The following PLK5 variants were observed in gnomAD, a reference collection of about 807,000 sequenced individuals.
PLK5 encodes the protein polo like kinase 5 (inactive).
PLK5 carries 28 observed loss-of-function variants against 33.7 expected under a neutral mutation model. The observed-to-expected ratio is 0.83, with a 90% CI of 0.62 to 1.14. The LOEUF is 1.14. Among genes scored for constraint, PLK5 ranks in the 50% most tolerant of loss-of-function variants. PLK5 has a pLI of 0.00. For synonymous variants in PLK5, 225 were observed against 202.2 expected, an observed-to-expected ratio of 1.11 and a Z score of -0.96; for missense variants, 492 against 461.5, an observed-to-expected ratio of 1.07 and a Z score of -0.61.
rs778980898 is a variant in PLK5 at position 1,526,523 on chromosome 19, C to G, written c.-275C>G. On this transcript the variant is annotated 5_prime_UTR_variant, in exon 4 of 14. Coordinates refer to ENST00000454744, the MANE Select transcript of PLK5 (RefSeq NM_001243079.2). ...GTGCTGAGGGCGCGGCAGATCCTGA[C>G]GGAGCCAGAAGTGCGCGACTACCTG... 1.8e-5 allele frequency: 5 copies of G among 280,322 alleles called. No homozygotes were observed. In the East Asian group the frequency reaches 5.0e-4, roughly 28 times the overall value. The allele number at this position is 280,322 out of a possible 1,614,324, so 17.4% of individuals were successfully genotyped here. A position where few individuals can be genotyped will look rare whatever the true frequency, so the allele number is the denominator to read the frequency against.
chr19:1,531,607 C>G, intron 11 of PLK5, 131 bp from the exon 12 acceptor site: 1 of 1,067,918 alleles, frequency 9.4e-7, no homozygotes, highest in South Asian at 1.9e-5. Flanking sequence ...ACCACCGAAG[C>G]CCCCAAGCCT....
chr19:1,531,930 C>T, intron 12 of PLK5, 47 bp downstream of exon 12: 1 of 1,420,546 alleles, frequency 7.0e-7, no homozygotes, highest in Non-Finnish European at 9.2e-7. Flanking sequence ...ACTCCCCCTG[C>T]CTTTTTTCAT....
chr19:1,535,946 T>C lies in PLK5; in HGVS notation c.*696T>C, dbSNP rs11084901. 86,750 of 152,102 alleles carry C rather than the reference T, an allele frequency of 0.57. 25,161 individuals are homozygous for C. The highest frequency in any genetic ancestry group is 0.78 in the East Asian group (4,042 of 5,166). 9.4% of individuals were successfully genotyped at this position (152,102 alleles called of 1,614,324 possible). ...CAAATCTAAAACATGGGACAGTTGCTTAATGGGTGGACAGGAAAGAAGCCG... is the reference window on the plus strand; with the variant it reads ...CAAATCTAAAACATGGGACAGTTGCCTAATGGGTGGACAGGAAAGAAGCCG... On this transcript the variant is annotated 3_prime_UTR_variant, in exon 14 of 14. Transcript: ENST00000454744.
intron 6 of PLK5, 31 bp from the exon 7 acceptor site, chr19:1,527,905 C>A: frequency 1.3e-6 from 2 of 1,521,860 alleles, no homozygotes; most frequent in South Asian, 1.2e-5. Flanking sequence ...GATGCCTGGA[C>A]ACCCAGGTTC....
rs970535119 is a variant in PLK5 at position 1,531,898 on chromosome 19, C to T, written c.714+15C>T. ...CCCCCCGGAGGGTAAGTTGTGGCCT[C>T]CTGTGCCCTGGGGGACCAGGCACTC... On this transcript the variant is annotated intron_variant, in intron 12 of 13. Transcript: ENST00000454744. 9.0e-6 allele frequency: 13 copies of T among 1,450,914 alleles called. No individual in the cohort carries two copies. The highest frequency in any genetic ancestry group is 1.2e-5 in the Non-Finnish European group (13 of 1,108,118). 89.9% of individuals were successfully genotyped at this position (1,450,914 alleles called of 1,614,324 possible).
intron 13 of PLK5, among the ~76,000 whole-genome samples, chr19:1,534,657 A>C (rs1180142231): frequency 6.6e-6 from 1 of 150,800 alleles, no homozygotes; most frequent in East Asian, 2.0e-4. Flanking sequence ...TACAAAAAAA[A>C]AAAAAAAAAA....
At chr19:1,533,870 G>T (rs1026010377) in intron 12 of PLK5, 61 bp from the exon 13 acceptor site, 31 of 1,332,496 alleles carry the variant, frequency 2.3e-5, no homozygotes, top group Middle Eastern at 2.5e-4. Flanking sequence ...GGTGCTGGGT[G>T]TGGGGGCGAG....
chr19:1,524,127 A>G lies in PLK5; in HGVS notation c.-663A>G, dbSNP rs1231010559. ...GCGGTGGTCTCGGCCCGGCTGCGCC[A>G]GAGTCCGCGCGATGGAGCCCCGGCC... On this transcript the variant is annotated 5_prime_UTR_variant, in exon 1 of 14. Transcript: ENST00000454744. This position sits in a 1 kb window ranked among gnomAD's most constrained non-coding sequence, Gnocchi z 4.5. 2 of 150,876 alleles carry G rather than the reference A, an allele frequency of 1.3e-5. No homozygotes were observed. Among genetic ancestry groups the G allele is most frequent in the Non-Finnish European group, 3.0e-5 (2 of 67,548 alleles). The allele number at this position is 150,876 out of a possible 1,614,324, so 9.3% of individuals were successfully genotyped here.
chr19:1,533,514 G>A (rs1208545651), intron 12 of PLK5, among the ~76,000 whole-genome samples: 3 of 152,114 alleles, frequency 2.0e-5, no homozygotes, highest in African/African-American at 7.2e-5. Context: ...AGGGGCTGCA[G>A]TGTGGATAGA....
chr19:1,534,807 ACT>A (rs1914045554), intron 13 of PLK5, among the ~76,000 whole-genome samples: 8 of 131,778 alleles, frequency 6.1e-5, no homozygotes, highest in South Asian at 2.7e-4. Flanking sequence ...ACAGAGCAGG[ACT>A]CTGTTTAAAA....
At chr19:1,526,465 G>A (rs569870687) in intron 3 of PLK5, 21 bp from the exon 4 acceptor site, 8 of 233,946 alleles carry the variant, frequency 3.4e-5, no homozygotes, top group East Asian at 1.5e-4. Context: ...CTTCTAATCC[G>A]GGGCCGCTGG....
intron 11 of PLK5, 27 bp from the exon 12 acceptor site, chr19:1,531,711 G>T: frequency 6.5e-7 from 1 of 1,535,462 alleles, no homozygotes; most frequent in Non-Finnish European, 8.7e-7. Flanking sequence ...CTGACCCCTG[G>T]CTCAGCATAC....
intron 11 of PLK5, among the ~76,000 whole-genome samples, chr19:1,530,777 G>A (rs940489216): frequency 6.6e-6 from 1 of 151,324 alleles, no homozygotes; most frequent in Non-Finnish European, 1.5e-5. Flanking sequence ...CCGCCACCAT[G>A]CCCGGCTAAT....
chr19:1,527,443 A>G (rs144814208), intron 6 of PLK5, among the ~76,000 whole-genome samples: 1 of 152,156 alleles, frequency 6.6e-6, no homozygotes, highest in African/African-American at 2.4e-5. Context: ...CTCTACAAAA[A>G]TTACAAAAAT....
chr19:1,529,553 G>C, intron 10 of PLK5, 63 bp downstream of exon 10: 1 of 1,483,802 alleles, frequency 6.7e-7, no homozygotes. Flanking sequence ...CAAGTGACAG[G>C]GGGACCAAGG....
At chr19:1,527,814 G>T in intron 6 of PLK5, 122 bp from the exon 7 acceptor site, 1 of 992,230 alleles carries the variant, frequency 1.0e-6, no homozygotes, top group Non-Finnish European at 1.5e-6. Flanking sequence ...GGCGGATGTT[G>T]GGAGATGAGG....
At chr19:1,526,864 A>C in intron 5 of PLK5, 39 bp from the exon 6 acceptor site, 1 of 1,126,468 alleles carries the variant, frequency 8.9e-7, no homozygotes, top group Non-Finnish European at 1.3e-6. Flanking sequence ...TGGCACGGGG[A>C]TCCCAGCCTT....
At chr19:1,531,699 C>T (rs1437254452) in intron 11 of PLK5, 39 bp from the exon 12 acceptor site, 7 of 1,532,546 alleles carry the variant, frequency 4.6e-6, no homozygotes, top group African/African-American at 1.4e-5. Context: ...TATGCCTGAC[C>T]CCTGACCCCT....
At chr19:1,532,036 G>A (rs1474985963) in intron 12 of PLK5, among the ~76,000 whole-genome samples, 153 bp downstream of exon 12, 16 of 152,196 alleles carry the variant, frequency 1.1e-4, no homozygotes, top group African/African-American at 2.7e-4. Context: ...CAGCAAGTGC[G>A]TTTCTGTAGT....
Sources: gnomAD v4.1 joint callset for allele counts (sites outside exome capture counted in the v4.1 genomes callset) on GRCh38, gnomAD v4.1.1 for gene constraint, Gnocchi (gnomAD v3.1) non-coding constraint, MANE v1.5 for transcripts, NCBI Gene and HGNC (gene_info 2026-07-23, HGNC 2026-07-21) for gene names.